DSCAML1: variants seen among roughly 807,000 people sequenced by gnomAD.
DSCAML1 encodes cell adhesion molecule DSCAML1.
In DSCAML1, 38 loss-of-function variants were observed where a neutral mutation model predicts 200.5. The observed-to-expected ratio is 0.19, with a 90% CI of 0.15 to 0.25. The LOEUF (loss-of-function observed/expected upper bound fraction) is 0.25, where lower values mean the gene tolerates loss of function less well. Ranked by LOEUF, DSCAML1 falls within the 10% of genes least tolerant of loss-of-function variation. The pLI is 1.00. For missense variants in DSCAML1, 2,223 were observed against 2,858.8 expected (o/e 0.78, Z 5.07); for synonymous variants, 1,215 against 1,165.0 (o/e 1.04, Z -0.87).
intron 3 of DSCAML1, among the ~76,000 whole-genome samples, chr11:117,689,069 G>A (rs1298850564): frequency 6.6e-6 from 1 of 152,060 alleles, no homozygotes; most frequent in Non-Finnish European, 1.5e-5. Context: ...ATCTTCCCAG[G>A]GGCTTCTGTT....
chr11:117,649,810 G>A (rs2052591927), intron 3 of DSCAML1, among the ~76,000 whole-genome samples: 2 of 152,270 alleles, frequency 1.3e-5, no homozygotes, highest in South Asian at 4.1e-4. Context: ...CCCTGAACAG[G>A]TCCAGGCAGT....
intron 8 of DSCAML1, among the ~76,000 whole-genome samples, chr11:117,512,952 A>C (rs1340204882): frequency 1.3e-5 from 2 of 152,106 alleles, no homozygotes; most frequent in African/African-American, 2.4e-5. Flanking sequence ...GGGCTGAATA[A>C]TTGATGAGCA....
intron 3 of DSCAML1, among the ~76,000 whole-genome samples, chr11:117,701,915 T>A (rs754560298): frequency 9.9e-5 from 15 of 152,184 alleles, no homozygotes; most frequent in Non-Finnish European, 1.8e-4. Context: ...ACAGTGCCGG[T>A]GCCAGGTGCA....
intron 11 of DSCAML1, among the ~76,000 whole-genome samples, chr11:117,492,038 A>T (rs1305236991): frequency 6.6e-6 from 1 of 152,074 alleles, no homozygotes; most frequent in Non-Finnish European, 1.5e-5. Flanking sequence ...GAAGCTTTTA[A>T]AAAATATTAC....
intron 3 of DSCAML1, among the ~76,000 whole-genome samples, chr11:117,759,360 T>A (rs1191394546): frequency 6.6e-6 from 1 of 152,162 alleles, no homozygotes; most frequent in Non-Finnish European, 1.5e-5. Context: ...GGAACAAACC[T>A]AGGTGCTTTT....
intron 8 of DSCAML1, among the ~76,000 whole-genome samples, chr11:117,512,792 C>G (rs1207018482): frequency 1.3e-5 from 2 of 150,870 alleles, no homozygotes; most frequent in African/African-American, 2.4e-5. Context: ...CACACACACA[C>G]ACACACACAC....
chr11:117,439,451 C>A, intron 22 of DSCAML1, 22 bp from the exon 23 acceptor site: 1 of 1,604,380 alleles, frequency 6.2e-7, no homozygotes, highest in Non-Finnish European at 8.5e-7. Flanking sequence ...GAGGATGGGG[C>A]GGGTGGGTCA....
At chr11:117,737,582 T>C (rs1408921505) in intron 3 of DSCAML1, among the ~76,000 whole-genome samples, 3 of 152,210 alleles carry the variant, frequency 2.0e-5, no homozygotes, top group Non-Finnish European at 4.4e-5. Context: ...TTCCTGAATA[T>C]GGAACACACC....
chr11:117,726,093 C>T (rs993902928), intron 3 of DSCAML1, among the ~76,000 whole-genome samples: 1 of 152,230 alleles, frequency 6.6e-6, no homozygotes, highest in African/African-American at 2.4e-5. Flanking sequence ...TAGGACACCA[C>T]CCACGAGAAG....
chr11:117,436,487 A>G (rs2047917697), intron 26 of DSCAML1, among the ~76,000 whole-genome samples: 1 of 151,954 alleles, frequency 6.6e-6, no homozygotes. Context: ...GCTTCTATGA[A>G]TTCAGCCTTC....
chr11:117,631,297 C>A (rs1015993996), intron 3 of DSCAML1, among the ~76,000 whole-genome samples: 3 of 152,188 alleles, frequency 2.0e-5, no homozygotes, highest in African/African-American at 7.2e-5. Flanking sequence ...TTCTAGCACT[C>A]CAGACAGGCT....
intron 4 of DSCAML1, among the ~76,000 whole-genome samples, chr11:117,531,032 C>A (rs924059752): frequency 6.6e-6 from 1 of 152,164 alleles, no homozygotes; most frequent in African/African-American, 2.4e-5. Context: ...ATAGAAAATT[C>A]CAGAGCGCCT....
intron 11 of DSCAML1, among the ~76,000 whole-genome samples, chr11:117,485,455 AGAG>A (rs1384911819): frequency 2.0e-5 from 3 of 152,192 alleles, no homozygotes; most frequent in Non-Finnish European, 2.9e-5. Context: ...TTCATGAGGA[AGAG>A]GAGAGAAGCT....
chr11:117,474,912 A>G (rs981454242), intron 14 of DSCAML1, among the ~76,000 whole-genome samples: 2 of 151,616 alleles, frequency 1.3e-5, no homozygotes, highest in South Asian at 2.1e-4. Flanking sequence ...ATGCCACCAC[A>G]CCCAGATAAT....
chr11:117,797,889 T>C (rs1249230428), upstream of DSCAML1, among the ~76,000 whole-genome samples: 2 of 152,238 alleles, frequency 1.3e-5, no homozygotes, highest in Non-Finnish European at 2.9e-5. Flanking sequence ...CCCACCCCTA[T>C]AGCTTTCCTG....
intron 3 of DSCAML1, among the ~76,000 whole-genome samples, chr11:117,661,555 G>A (rs1178166363): frequency 2.0e-5 from 3 of 152,150 alleles, no homozygotes; most frequent in East Asian, 3.9e-4. Context: ...AGCCTCCCCA[G>A]CCCCAGATTC....
rs989409114 is a variant in DSCAML1 at position 117,463,072 on chromosome 11, G to A, written c.3266-1476C>T. 2.6e-5 allele frequency among the ~76,000 whole-genome samples: 4 copies of A among 152,214 alleles called. No homozygotes were observed. Among genetic ancestry groups the A allele is most frequent in the Admixed American group, 1.3e-4 (2 of 15,284 alleles). ...GGGCAGGCTGGCCTCGGCTCAGCACGACTGTTCCCTGGACACACCTTCCTA... is the reference window on the plus strand; with the variant it reads ...GGGCAGGCTGGCCTCGGCTCAGCACAACTGTTCCCTGGACACACCTTCCTA... On this transcript the variant is annotated intron_variant, in intron 17 of 32. Coordinates refer to ENST00000651296, the MANE Select transcript of DSCAML1 (RefSeq NM_020693.4). The surrounding 1 kb of genome is among the most constrained non-coding windows in gnomAD (Gnocchi z 4.0).
At chr11:117,600,413 G>T (rs1467392207) in intron 3 of DSCAML1, among the ~76,000 whole-genome samples, 4 of 152,170 alleles carry the variant, frequency 2.6e-5, no homozygotes, top group African/African-American at 9.7e-5. Flanking sequence ...TCTCACTCTG[G>T]ATCATGTCGG....
intron 3 of DSCAML1, among the ~76,000 whole-genome samples, chr11:117,716,196 C>T (rs1316471901): frequency 6.6e-6 from 1 of 152,232 alleles, no homozygotes; most frequent in Non-Finnish European, 1.5e-5. Context: ...CAAGAAGGTG[C>T]TTAACCTGGA....
Sources: gnomAD v4.1 joint callset for allele counts (sites outside exome capture counted in the v4.1 genomes callset) on GRCh38, gnomAD v4.1.1 for gene constraint, Gnocchi (gnomAD v3.1) non-coding constraint, MANE v1.5 for transcripts, NCBI Gene and HGNC (gene_info 2026-07-23, HGNC 2026-07-21) for gene names.